FRZB: variants seen among roughly 807,000 people sequenced by gnomAD.
The protein encoded by FRZB is secreted frizzled-related protein 3.
Under a neutral mutation model 32.5 loss-of-function variants are expected in FRZB, and 34 were observed. That is an observed-to-expected ratio of 1.05 (90% CI 0.80 to 1.39). The LOEUF (loss-of-function observed/expected upper bound fraction) is 1.39. Ranked by LOEUF, FRZB falls within the 40% of genes most tolerant of loss-of-function variation. The pLI, the probability that FRZB is intolerant of heterozygous loss-of-function variation, is 0.00. For synonymous variants in FRZB, 170 were observed against 159.2 expected, an observed-to-expected ratio of 1.07 and a Z score of -0.51; for missense variants, 423 against 424.8, an observed-to-expected ratio of 1.00 and a Z score of 0.04.
intron 2 of FRZB, among the ~76,000 whole-genome samples, chr2:182,846,825 ATTT>A (rs1393267242): frequency 2.0e-5 from 3 of 152,186 alleles, no homozygotes; most frequent in Non-Finnish European, 4.4e-5. Flanking sequence ...CAGTTCCAAA[ATTT>A]TTAACAGTTC....
intron 1 of FRZB, among the ~76,000 whole-genome samples, chr2:182,863,613 C>A (rs959485027): frequency 6.6e-6 from 1 of 152,020 alleles, no homozygotes; most frequent in Admixed American, 6.6e-5. Context: ...TCAGGGAGAC[C>A]TCATTTTTAT....
chr2:182,855,805 A>G (rs1695761773), intron 2 of FRZB, among the ~76,000 whole-genome samples: 1 of 152,182 alleles, frequency 6.6e-6, no homozygotes, highest in Non-Finnish European at 1.5e-5. Context: ...ATAACCCTAA[A>G]CAGGGTAAAC....
Position 182,834,760 on chromosome 2 carries a change from G to A in FRZB, c.*89C>T. On this transcript the variant is annotated 3_prime_UTR_variant, in exon 6 of 6. Coordinates refer to ENST00000295113, the MANE Select transcript of FRZB (RefSeq NM_001463.4). ...TTTATAGTAAACAATAGAATATGATGTGCAATAGTGCAATTTTCCTTTGCT... is the reference window on the plus strand; with the variant it reads ...TTTATAGTAAACAATAGAATATGATATGCAATAGTGCAATTTTCCTTTGCT... 2 of 846,698 alleles carry A rather than the reference G, an allele frequency of 2.4e-6. No homozygotes were observed. The highest frequency in any genetic ancestry group is 1.7e-5 in the Admixed American group (1 of 58,584). 52.4% of individuals were successfully genotyped at this position (846,698 alleles called of 1,614,324 possible). A position where few individuals can be genotyped will look rare whatever the true frequency, so the allele number is the denominator to read the frequency against.
intron 1 of FRZB, among the ~76,000 whole-genome samples, chr2:182,859,989 T>A (rs1027847542): frequency 2.0e-5 from 3 of 152,196 alleles, no homozygotes; most frequent in African/African-American, 7.2e-5. Flanking sequence ...TGAATAATCA[T>A]GTGATAAACT....
At position 182,835,506 on chromosome 2, in the gene FRZB, G is replaced by T. The variant is rs531606354; in HGVS notation, c.862-541C>A. ...TCCACTAAGTACAATGAATAAAACA[G>T]ACAAGGTCCTGCCCTCGTTCTAAGT... is the stretch of plus-strand genomic sequence containing the variant. On this transcript the variant is annotated intron_variant, in intron 5 of 5. Coordinates refer to ENST00000295113, the MANE Select transcript of FRZB (RefSeq NM_001463.4). 1.7e-3 allele frequency among the ~76,000 whole-genome samples: 258 copies of T among 152,098 alleles called. 4 individuals are homozygous for T. Among genetic ancestry groups the T allele is most frequent in the Admixed American group, 4.5e-3 (69 of 15,242 alleles).
rs147784662 is a variant in FRZB at position 182,861,973 on chromosome 2, C to T, written c.479-3140G>A. Among the ~76,000 whole-genome samples, 798 of 152,312 alleles carry T rather than the reference C, an allele frequency of 5.2e-3. 16 individuals are homozygous for T. The highest frequency in any genetic ancestry group is 0.018 in the African/African-American group (754 of 41,564). On this transcript the variant is annotated intron_variant, in intron 1 of 5. Coordinates refer to ENST00000295113, the MANE Select transcript of FRZB (RefSeq NM_001463.4). ...CCAGAGTGCCTTTCAGTATTTTACA[C>T]AATGAAGGATCCTCAGAAGCATGTT...
chr2:182,864,364 G>A (rs900350440), intron 1 of FRZB, among the ~76,000 whole-genome samples: 2 of 152,166 alleles, frequency 1.3e-5, no homozygotes, highest in African/African-American at 2.4e-5. Flanking sequence ...GGCCTGAGAG[G>A]AGCACCTGCA....
chr2:182,865,220 T>G (rs1695877705), intron 1 of FRZB, among the ~76,000 whole-genome samples: 2 of 148,430 alleles, frequency 1.3e-5, no homozygotes, highest in African/African-American at 2.5e-5. Flanking sequence ...AACATGAGAG[T>G]GGAATAAGGG....
chr2:182,838,660 G>C (rs752280303), intron 3 of FRZB, 47 bp from the exon 4 acceptor site: 14 of 1,503,538 alleles, frequency 9.3e-6, no homozygotes, highest in Non-Finnish European at 1.3e-5. Context: ...ACACATAATA[G>C]CTACCCCATT....
At chr2:182,846,111 T>C (rs186829590) in intron 2 of FRZB, among the ~76,000 whole-genome samples, 3 of 152,320 alleles carry the variant, frequency 2.0e-5, no homozygotes, top group Non-Finnish European at 4.4e-5. Flanking sequence ...CATACAAATA[T>C]GCTCATTTAT....
Position 182,839,637 on chromosome 2 carries a change from C to T in FRZB, c.593-1024G>A, listed in dbSNP as rs188895881. 1.1e-3 allele frequency among the ~76,000 whole-genome samples: 172 copies of T among 152,136 alleles called. 2 individuals carry two copies. Among genetic ancestry groups the T allele is most frequent in the Non-Finnish European group, 2.9e-5 (2 of 67,958 alleles). On this transcript the variant is annotated intron_variant, in intron 3 of 5. Coordinates refer to ENST00000295113, the MANE Select transcript of FRZB (RefSeq NM_001463.4). ...TCTGCTTCTTTTCTGTATCTCTCCCCTTTAAAAGAGTCAAGTTGTTCAGAT... is the reference window on the plus strand; with the variant it reads ...TCTGCTTCTTTTCTGTATCTCTCCCTTTTAAAAGAGTCAAGTTGTTCAGAT...
intron 2 of FRZB, among the ~76,000 whole-genome samples, chr2:182,844,710 A>G (rs771157328): frequency 3.9e-5 from 6 of 152,192 alleles, no homozygotes; most frequent in Non-Finnish European, 8.8e-5. Flanking sequence ...AAAACTTTCC[A>G]GGCAGGGATT....
chr2:182,844,703 A>T (rs1695621852), intron 2 of FRZB, among the ~76,000 whole-genome samples: 1 of 152,182 alleles, frequency 6.6e-6, no homozygotes, highest in Non-Finnish European at 1.5e-5. Flanking sequence ...ATTCCATAAA[A>T]CTTTCCAGGC....
chr2:182,858,203 T>C (rs1489810567), intron 2 of FRZB, among the ~76,000 whole-genome samples: 1 of 152,220 alleles, frequency 6.6e-6, no homozygotes, highest in Admixed American at 6.5e-5. Context: ...TGTACTGGAA[T>C]GTTTATAGTA....
chr2:182,857,209 G>A (rs748202658), intron 2 of FRZB, among the ~76,000 whole-genome samples: 67 of 151,972 alleles, frequency 4.4e-4, no homozygotes, highest in Non-Finnish European at 7.9e-4. Flanking sequence ...CAAGTCAAAG[G>A]AAATATCAAG....
Position 182,851,458 on chromosome 2 carries a change from C to A in FRZB, c.526+7328G>T, listed in dbSNP as rs183765561. 7.4e-4 allele frequency among the ~76,000 whole-genome samples: 113 copies of A among 152,238 alleles called. 1 individual carries two copies. The highest frequency in any genetic ancestry group is 2.2e-3 in the African/African-American group (91 of 41,546). On this transcript the variant is annotated intron_variant, in intron 2 of 5. Transcript: ENST00000295113. ...ATCACCTGAGATCAGGAGTTAGAGA[C>A]CAGCCTGGCCAACATGGTGAAACCC...
chr2:182,842,350 T>C, intron 3 of FRZB, 128 bp downstream of exon 3: 3 of 693,178 alleles, frequency 4.3e-6, no homozygotes, highest in South Asian at 1.8e-5. Flanking sequence ...CTCCTAAAAA[T>C]AGTCCTTCTG....
At chr2:182,837,200 G>A (rs1695536302) in intron 5 of FRZB, among the ~76,000 whole-genome samples, 1 of 145,956 alleles carries the variant, frequency 6.9e-6, no homozygotes, top group Non-Finnish European at 1.5e-5. Flanking sequence ...CTATAATACA[G>A]TACTGTACTA....
intron 2 of FRZB, among the ~76,000 whole-genome samples, chr2:182,848,817 T>C (rs1484982313): frequency 6.6e-6 from 1 of 152,210 alleles, no homozygotes; most frequent in African/African-American, 2.4e-5. Context: ...CCCAAGTGTG[T>C]ACAGTATGCT....
Sources: gnomAD v4.1 joint callset for allele counts (sites outside exome capture counted in the v4.1 genomes callset) on GRCh38, gnomAD v4.1.1 for gene constraint, MANE v1.5 for transcripts, NCBI Gene and HGNC (gene_info 2026-07-23, HGNC 2026-07-21) for gene names.